The following STEAP2 variants were observed in gnomAD, a reference collection of about 807,000 sequenced individuals.
The protein encoded by STEAP2 is metalloreductase STEAP2.
In STEAP2, 30 loss-of-function variants were observed where a neutral mutation model predicts 46.4. That is an observed-to-expected ratio of 0.65 (90% CI 0.48 to 0.88). The LOEUF is 0.88. Ranked by LOEUF, STEAP2 falls within the 40% of genes least tolerant of loss-of-function variation. The pLI is 0.00. For synonymous variants in STEAP2, 180 were observed against 200.5 expected (o/e 0.90, Z 0.86); for missense variants, 513 against 579.3 (o/e 0.89, Z 1.18).
In STEAP2 at chr7:90,234,118, C is replaced by T; in HGVS notation, c.*1494C>T. The T allele has an allele frequency of 1.0e-6, 1 of 985,368 alleles. No homozygotes were observed. Among genetic ancestry groups the T allele is most frequent in the South Asian group, 4.7e-5 (1 of 21,290 alleles). 61.0% of individuals were successfully genotyped at this position (985,368 alleles called of 1,614,324 possible). A position where few individuals can be genotyped will look rare whatever the true frequency, so the allele number is the denominator to read the frequency against. Reference sequence around the variant, plus strand: ...AAGTTCTCCTGCCTGCATAACCATTCATTAGGGAGTACTTTACAAGCATGA... The same window carrying T: ...AAGTTCTCCTGCCTGCATAACCATTTATTAGGGAGTACTTTACAAGCATGA... On this transcript the variant is annotated 3_prime_UTR_variant, in exon 6 of 6. Transcript: ENST00000394621.
intron 2 of STEAP2, among the ~76,000 whole-genome samples, chr7:90,219,679 T>C (rs1477898045): frequency 1.3e-5 from 2 of 152,144 alleles, no homozygotes; most frequent in East Asian, 3.9e-4. Flanking sequence ...GTGTGTGTTT[T>C]TTTTATGAGT....
intron 1 of STEAP2, chr7:90,216,130 A>C (rs949347223): frequency 1.3e-5 from 2 of 152,192 alleles, no homozygotes; most frequent in Non-Finnish European, 2.9e-5. Flanking sequence ...GAATAACTTC[A>C]AAAGAAAAGG....
chr7:90,238,154 C>T, downstream of STEAP2: 1 of 717,426 alleles, frequency 1.4e-6, no homozygotes, highest in Non-Finnish European at 2.6e-6. Context: ...GCCACTACCA[C>T]CACCACCACA....
At chr7:90,230,783 T>G (rs575005783) in intron 5 of STEAP2, among the ~76,000 whole-genome samples, 1 of 152,010 alleles carries the variant, frequency 6.6e-6, no homozygotes, top group South Asian at 2.1e-4. Flanking sequence ...TACAGCATAG[T>G]AGACAGATTC....
downstream of STEAP2, among the ~76,000 whole-genome samples, chr7:90,238,568 T>TA (rs1232682712): frequency 6.6e-6 from 1 of 152,164 alleles, no homozygotes; most frequent in African/African-American, 2.4e-5. Context: ...ACCGAGCAAT[T>TA]AACTGCACTT....
intron 2 of STEAP2, among the ~76,000 whole-genome samples, chr7:90,223,455 C>T (rs1024033604): frequency 6.6e-6 from 1 of 152,190 alleles, no homozygotes; most frequent in African/African-American, 2.4e-5. Context: ...GTCCACAGGG[C>T]AATTATACCT....
intron 2 of STEAP2, among the ~76,000 whole-genome samples, chr7:90,222,455 C>T (rs978168382): frequency 3.3e-5 from 5 of 152,160 alleles, no homozygotes; most frequent in Non-Finnish European, 7.4e-5. Flanking sequence ...CCCCCAAAAA[C>T]ACCCTTTCCT....
rs1036148454 is a variant in STEAP2, at chr7:90,235,973, G to A, written c.*3349G>A. On this transcript the variant is annotated 3_prime_UTR_variant, in exon 6 of 6. Transcript: ENST00000394621. ...TTATAAAGCAGCATAACCTTGGCTT[G>A]ATTAAGGAATTCTACTTTCAAAAAT... 1.0e-6 allele frequency: 1 copy of A among 982,798 alleles called. No individual in the cohort carries two copies. Among genetic ancestry groups the A allele is most frequent in the Admixed American group, 6.2e-5 (1 of 16,254 alleles). The allele number at this position is 982,798 out of a possible 1,614,324, so 60.9% of individuals were successfully genotyped here.
Position 90,233,336 on chromosome 7 carries a change from T to C in STEAP2, c.*712T>C, listed in dbSNP as rs980070857. The C allele has an allele frequency of 2.8e-5, 28 of 984,066 alleles. No homozygotes were observed. Among genetic ancestry groups the C allele is most frequent in the Non-Finnish European group, 3.4e-5 (28 of 828,684 alleles). 61.0% of individuals were successfully genotyped at this position (984,066 alleles called of 1,614,324 possible). ...GAGCAGTTTCATTTTCATATTAATA[T>C]ACTGATCAGGAAGAGGATTCAGTAA... On this transcript the variant is annotated 3_prime_UTR_variant, in exon 6 of 6. Coordinates refer to ENST00000394621, the MANE Select transcript of STEAP2 (RefSeq NM_001244944.2).
rs868859932 is a variant in STEAP2, at chr7:90,230,165, A to T, written c.1185+129A>T. ...CTGTATTTATGCATCTAGATACATT[A>T]TGCTGGAAGCCAGCTTAGGATTGCT... On this transcript the variant is annotated intron_variant, in intron 5 of 5. Transcript: ENST00000394621. 8.0e-6 allele frequency: 12 copies of T among 1,493,826 alleles called. No individual in the cohort carries two copies. The South Asian group carries it at 1.4e-4, about 18-fold the overall frequency. The allele number at this position is 1,493,826 out of a possible 1,614,324, so 92.5% of individuals were successfully genotyped here.
In STEAP2 at chr7:90,233,986, C is replaced by T; in HGVS notation, c.*1362C>T. The stretch of plus-strand genomic sequence containing the variant: ...CTGGAGACCCATGGCAGTCCATATG[C>T]CTCCCTATGCAGTGAAGGGCCCTAG... On this transcript the variant is annotated 3_prime_UTR_variant, in exon 6 of 6. Transcript: ENST00000394621. The T allele has an allele frequency of 3.0e-6, 3 of 985,362 alleles. No individual in the cohort carries two copies. The highest frequency in any genetic ancestry group is 3.6e-6 in the Non-Finnish European group (3 of 829,916). 61.0% of individuals were successfully genotyped at this position (985,362 alleles called of 1,614,324 possible).
chr7:90,235,647 T>A lies in STEAP2; in HGVS notation c.*3023T>A. The A allele has an allele frequency of 1.0e-6, 1 of 965,948 alleles. No homozygotes were observed. Among genetic ancestry groups the A allele is most frequent in the Non-Finnish European group, 1.2e-6 (1 of 812,156 alleles). The allele number at this position is 965,948 out of a possible 1,614,324, so 59.8% of individuals were successfully genotyped here. On this transcript the variant is annotated 3_prime_UTR_variant, in exon 6 of 6. Transcript: ENST00000394621. ...AAAAAATCAAGTAATTGTTTTCCTA[T>A]GAGGAAAATAACCATGAGCTGTATC... is the stretch of plus-strand genomic sequence containing the variant.
chr7:90,225,581 A>G lies in STEAP2; in HGVS notation c.492+7A>G, dbSNP rs749123728. 6 of 1,560,510 alleles carry G rather than the reference A, an allele frequency of 3.8e-6. No homozygotes were observed. Among genetic ancestry groups the G allele is most frequent in the Admixed American group, 4.1e-5 (2 of 48,974 alleles). Reference sequence around the variant, plus strand: ...TAAGGATGCCAGCCGGCAGGTATGTATTTTACATTTTTATTCTTATGTATC... The same window carrying G: ...TAAGGATGCCAGCCGGCAGGTATGTGTTTTACATTTTTATTCTTATGTATC... On this transcript the variant is annotated splice_region_variant and intron_variant, in intron 3 of 5. Coordinates refer to ENST00000394621, the MANE Select transcript of STEAP2 (RefSeq NM_001244944.2).
chr7:90,219,919 G>T (rs1795181832), intron 2 of STEAP2, among the ~76,000 whole-genome samples: 1 of 152,070 alleles, frequency 6.6e-6, no homozygotes, highest in South Asian at 2.1e-4. Context: ...AGAGACGAGG[G>T]TCTCATTATG....
At chr7:90,241,479 T>C (rs1184337066), downstream of STEAP2, among the ~76,000 whole-genome samples, 1 of 152,196 alleles carries the variant, frequency 6.6e-6, no homozygotes. Context: ...TTAATGAACA[T>C]TTTTTGAGTG....
intron 1 of STEAP2, among the ~76,000 whole-genome samples, chr7:90,215,101 A>G (rs1447909318): frequency 2.0e-5 from 3 of 152,178 alleles, no homozygotes; most frequent in African/African-American, 7.2e-5. Flanking sequence ...AAGTACCATG[A>G]GCTTCAAAGG....
intron 2 of STEAP2, among the ~76,000 whole-genome samples, chr7:90,220,986 G>A (rs949789808): frequency 2.8e-4 from 42 of 152,076 alleles, no homozygotes. Flanking sequence ...GTCTGAGGAA[G>A]TACTTGATAT....
chr7:90,233,019 A>C lies in STEAP2; in HGVS notation c.*395A>C, dbSNP rs1795825033. On this transcript the variant is annotated 3_prime_UTR_variant, in exon 6 of 6. Coordinates refer to ENST00000394621, the MANE Select transcript of STEAP2 (RefSeq NM_001244944.2). ...GGATATACATTTTTTTCTGAAGATT[A>C]AGATTTTAATTATTCAACTTAAAAA... The C allele has an allele frequency of 2.1e-6, 2 of 966,214 alleles. No individual in the cohort carries two copies. The highest frequency in any genetic ancestry group is 1.8e-5 in the African/African-American group (1 of 56,906). 59.9% of individuals were successfully genotyped at this position (966,214 alleles called of 1,614,324 possible). A position where few individuals can be genotyped will look rare whatever the true frequency, so the allele number is the denominator to read the frequency against.
chr7:90,230,970 C>T (rs1361112595), intron 5 of STEAP2, among the ~76,000 whole-genome samples: 1 of 151,324 alleles, frequency 6.6e-6, no homozygotes, highest in Non-Finnish European at 1.5e-5. Context: ...TAATCATACC[C>T]GAAAAGAAAT....
Sources: gnomAD v4.1 joint callset for allele counts (sites outside exome capture counted in the v4.1 genomes callset) on GRCh38, gnomAD v4.1.1 for gene constraint, MANE v1.5 for transcripts, NCBI Gene and HGNC (gene_info 2026-07-23, HGNC 2026-07-21) for gene names.